Variants in KIF2A observed in about 807,000 individuals in gnomAD.
KIF2A encodes the protein kinesin family member 2A.
In KIF2A, 22 loss-of-function variants were observed where a neutral mutation model predicts 100.2. The ratio of observed to expected loss-of-function variants is 0.22; its 90% CI spans 0.16 to 0.31. The LOEUF (loss-of-function observed/expected upper bound fraction) is 0.31, where lower values mean the gene tolerates loss of function less well. KIF2A is among the 10% of genes least tolerant of loss of function. The pLI, the probability that KIF2A is intolerant of heterozygous loss-of-function variation, is 1.00. For missense variants in KIF2A, 495 were observed against 898.7 expected (o/e 0.55, Z 5.74); for synonymous variants, 268 against 285.9 (o/e 0.94, Z 0.63).
intron 1 of KIF2A, among the ~76,000 whole-genome samples, chr5:62,321,240 A>G (rs1561249839): frequency 6.6e-6 from 1 of 152,212 alleles, no homozygotes; most frequent in Admixed American, 6.5e-5. Flanking sequence ...GTGTGGACAT[A>G]AAAGAACTGA....
chr5:62,368,550 G>T (rs1741189848), intron 16 of KIF2A, among the ~76,000 whole-genome samples: 1 of 152,036 alleles, frequency 6.6e-6, no homozygotes. Context: ...GCCCAGGCGG[G>T]TGGATTGCTT....
intron 1 of KIF2A, among the ~76,000 whole-genome samples, chr5:62,332,505 A>G (rs1016850840): frequency 6.6e-6 from 1 of 152,132 alleles, no homozygotes. Context: ...TAAACATGAA[A>G]TGGCTTTGAT....
intron 5 of KIF2A, 108 bp downstream of exon 5, chr5:62,352,818 T>G (rs967613791): frequency 2.5e-6 from 2 of 795,270 alleles, no homozygotes; most frequent in African/African-American, 3.6e-5. Flanking sequence ...ACAAGCTTGA[T>G]TGCAGATTTC....
intron 2 of KIF2A, 147 bp downstream of exon 2, chr5:62,347,371 C>G (rs1056308525): frequency 1.8e-6 from 1 of 570,990 alleles, no homozygotes; most frequent in African/African-American, 1.9e-5. Flanking sequence ...AAAATTTTCA[C>G]TTAAAGGTAG....
In KIF2A at chr5:62,366,779, C is replaced by T. The variant is rs145129350; in HGVS notation, c.1646+298C>T. On this transcript the variant is annotated intron_variant, in intron 16 of 20. Transcript: ENST00000407818. ...CCGGGAGGCAGAGCTTGCAGTGAGCCGAGATCACGCCACTGCACTCCAGCC... is the reference window on the plus strand; with the variant it reads ...CCGGGAGGCAGAGCTTGCAGTGAGCTGAGATCACGCCACTGCACTCCAGCC... Among the ~76,000 whole-genome samples the T allele has an allele frequency of 0.044, 6,538 of 150,010 alleles. 447 individuals are homozygous for T. Among genetic ancestry groups the T allele is most frequent in the African/African-American group, 0.15 (6,081 of 40,702 alleles).
At chr5:62,345,185 C>T (rs1196218203) in intron 1 of KIF2A, among the ~76,000 whole-genome samples, 2 of 151,838 alleles carry the variant, frequency 1.3e-5, no homozygotes, top group Non-Finnish European at 1.5e-5. Flanking sequence ...GTCAGGAGTT[C>T]GAGACTAGCC....
chr5:62,344,312 C>T (rs910774401), intron 1 of KIF2A, among the ~76,000 whole-genome samples: 1 of 147,442 alleles, frequency 6.8e-6, no homozygotes, highest in Admixed American at 6.9e-5. Flanking sequence ...CGCACCACTG[C>T]AGTCCAACCT....
At chr5:62,310,050 C>G (rs1032438014) in intron 1 of KIF2A, among the ~76,000 whole-genome samples, 3 of 150,150 alleles carry the variant, frequency 2.0e-5, no homozygotes, top group African/African-American at 7.4e-5. Context: ...GGTAATGGGA[C>G]TTACTAATAA....
intron 7 of KIF2A, among the ~76,000 whole-genome samples, chr5:62,356,150 A>G (rs1229057140): frequency 1.3e-5 from 2 of 152,208 alleles, no homozygotes; most frequent in African/African-American, 2.4e-5. Context: ...CATCTGACAT[A>G]GCATATACAG....
chr5:62,387,097 C>T lies in KIF2A; in HGVS notation c.*1528C>T, dbSNP rs1251974926. ...AGAGTAGTTGTGAAAGATCCTAATA[C>T]AATTGTGAAAAGCTCTGTAAACATG... On this transcript the variant is annotated 3_prime_UTR_variant, in exon 21 of 21. Coordinates refer to ENST00000407818, the MANE Select transcript of KIF2A (RefSeq NM_001098511.3). Among the ~76,000 whole-genome samples the T allele has an allele frequency of 6.6e-6, 1 of 152,170 alleles. No individual in the cohort carries two copies. Among genetic ancestry groups the T allele is most frequent in the Non-Finnish European group, 1.5e-5 (1 of 68,024 alleles).
chr5:62,324,811 A>G (rs1331076885), intron 1 of KIF2A, among the ~76,000 whole-genome samples: 4 of 151,578 alleles, frequency 2.6e-5, no homozygotes, highest in Admixed American at 1.3e-4. Flanking sequence ...CAAAGAATGT[A>G]TGACCAAGTC....
Position 62,390,089 on chromosome 5 carries a change from G to A in KIF2A, c.*4520G>A, listed in dbSNP as rs1742234041. 6.6e-6 allele frequency among the ~76,000 whole-genome samples: 1 copy of A among 152,132 alleles called. No individual in the cohort carries two copies. The highest frequency in any genetic ancestry group is 2.4e-5 in the African/African-American group (1 of 41,436). ...GAACTGTGTTTCCAGCTTAGAAAAA[G>A]TCAAACCAATGACTTTTAGAACAAT... On this transcript the variant is annotated 3_prime_UTR_variant, in exon 21 of 21. Coordinates refer to ENST00000407818, the MANE Select transcript of KIF2A (RefSeq NM_001098511.3).
Position 62,357,738 on chromosome 5 carries a change from TA to T in KIF2A, c.708del (p.Glu237LysfsTer4), listed in dbSNP as rs2111940845. The T allele has an allele frequency of 7.7e-6, 12 of 1,548,536 alleles. No individual in the cohort carries two copies. Among genetic ancestry groups the T allele is most frequent in the South Asian group, 2.3e-5 (2 of 88,092 alleles). ...TGTGTGTAAGAAAACGACCACTCAATAAAAAAGGTATGGCACTTAATGAGCT... is the reference window on the plus strand; with the variant it reads ...TGTGTGTAAGAAAACGACCACTCAATAAAAAGGTATGGCACTTAATGAGCT... ...CVCVRKRPLN[K>X]KETQMKDLDV... On this transcript the variant is annotated frameshift_variant, in exon 8 of 21. Transcript: ENST00000407818. LOFTEE classifies it high-confidence loss of function.
chr5:62,341,187 C>G (rs1561261997), intron 1 of KIF2A, among the ~76,000 whole-genome samples: 1 of 152,172 alleles, frequency 6.6e-6, no homozygotes, highest in Non-Finnish European at 1.5e-5. Context: ...AGTCTTAGAT[C>G]AGATGCTTTT....
intron 16 of KIF2A, among the ~76,000 whole-genome samples, chr5:62,369,192 T>C (rs149130858): frequency 2.6e-5 from 4 of 152,368 alleles, no homozygotes; most frequent in Non-Finnish European, 5.9e-5. Context: ...GCAACATGAC[T>C]AACCATCTGG....
At chr5:62,308,174 T>C (rs1745403913) in intron 1 of KIF2A, 2 of 341,566 alleles carry the variant, frequency 5.9e-6, no homozygotes, top group Non-Finnish European at 5.4e-6. Flanking sequence ...AGATAAATTA[T>C]ACCGCTTAGA....
At chr5:62,347,627 CT>C (rs3836810) in intron 2 of KIF2A, among the ~76,000 whole-genome samples, 5 of 148,182 alleles carry the variant, frequency 3.4e-5, no homozygotes, top group Non-Finnish European at 3.0e-5. Flanking sequence ...GCACTGTATT[CT>C]TTTTTTTTTG....
At chr5:62,379,966 A>G in intron 19 of KIF2A, among the ~76,000 whole-genome samples, 1 of 152,142 alleles carries the variant, frequency 6.6e-6, no homozygotes, top group Admixed American at 6.6e-5. Flanking sequence ...ATCTCGGCTC[A>G]CTATAACCCC....
chr5:62,377,797 C>A (rs1181982079), intron 19 of KIF2A, 35 bp downstream of exon 19: 1 of 1,120,444 alleles, frequency 8.9e-7, no homozygotes. Context: ...CAAAATATTT[C>A]TTGAGATAAA....
Sources: allele counts gnomAD v4.1 joint callset (sites outside exome capture counted in the v4.1 genomes callset), GRCh38; gene constraint gnomAD v4.1.1; transcripts MANE v1.5; gene names NCBI Gene and HGNC (gene_info 2026-07-23, HGNC 2026-07-21).